The following KIAA1217 variants were observed in gnomAD, a reference collection of about 807,000 sequenced individuals.
KIAA1217 encodes the protein sickle tail protein homolog.
A neutral mutation model predicts 163.9 loss-of-function variants in KIAA1217; 88 were observed. The ratio of observed to expected loss-of-function variants is 0.54; its 90% CI spans 0.45 to 0.64. The LOEUF is 0.64. Among genes scored for constraint, KIAA1217 ranks in the 30% least tolerant of loss-of-function variants. The pLI, the probability that KIAA1217 is intolerant of heterozygous loss-of-function variation, is 0.00. For synonymous variants in KIAA1217, 903 were observed against 923.1 expected (o/e 0.98, Z 0.39); for missense variants, 2,372 against 2,475.0 (o/e 0.96, Z 0.88).
intron 1 of KIAA1217, among the ~76,000 whole-genome samples, chr10:23,752,216 C>T (rs1015560267): frequency 5.3e-5 from 8 of 152,148 alleles, no homozygotes; most frequent in South Asian, 2.1e-4. Context: ...TGGAATTTCG[C>T]TAATTAGCGA....
chr10:24,346,240 C>T (rs188177888), intron 2 of KIAA1217, among the ~76,000 whole-genome samples: 183 of 152,152 alleles, frequency 1.2e-3, no homozygotes, highest in African/African-American at 4.3e-3. Context: ...GAGGTGTGGG[C>T]GGATCACCAG....
At chr10:24,037,676 A>C (rs1848454714) in intron 2 of KIAA1217, among the ~76,000 whole-genome samples, 2 of 152,194 alleles carry the variant, frequency 1.3e-5, no homozygotes. Context: ...TCTTGGAATA[A>C]GCTTTATAGG....
rs527357102 is a variant in KIAA1217, at chr10:24,423,633, T to C, written c.554-9362T>C. Reference sequence around the variant, plus strand: ...CACCACCACACCCAGCTAATTTTTGTATTTTTAGTAGAGTCGAGGTTTCAC... The same window carrying C: ...CACCACCACACCCAGCTAATTTTTGCATTTTTAGTAGAGTCGAGGTTTCAC... On this transcript the variant is annotated intron_variant, in intron 3 of 20. Transcript: ENST00000376454. 4.3e-4 allele frequency among the ~76,000 whole-genome samples: 66 copies of C among 152,288 alleles called. No homozygotes were observed. In the South Asian group the frequency reaches 0.013, roughly 29 times the overall value.
intron 1 of KIAA1217, among the ~76,000 whole-genome samples, chr10:24,212,267 G>T (rs1455136852): frequency 6.6e-6 from 1 of 152,206 alleles, no homozygotes; most frequent in Non-Finnish European, 1.5e-5. Context: ...GTTGCCATTT[G>T]CCTAAGTTGG....
At chr10:24,009,689 G>T (rs1321982934) in intron 2 of KIAA1217, among the ~76,000 whole-genome samples, 1 of 152,086 alleles carries the variant, frequency 6.6e-6, no homozygotes, top group Non-Finnish European at 1.5e-5. Context: ...TTAGCTCAAG[G>T]TCACACAGTC....
intron 1 of KIAA1217, among the ~76,000 whole-genome samples, chr10:23,942,876 G>A (rs1843839921): frequency 6.6e-6 from 1 of 151,764 alleles, no homozygotes; most frequent in African/African-American, 2.4e-5. Context: ...GCAAGGCCAA[G>A]GTGAGAGCAT....
rs144933866 is a variant in KIAA1217 at position 24,539,390 on chromosome 10, G to A, written c.3534+2497G>A. Among the ~76,000 whole-genome samples the A allele has an allele frequency of 6.4e-3, 975 of 151,920 alleles. 6 individuals carry two copies. The highest frequency in any genetic ancestry group is 0.022 in the African/African-American group (926 of 41,430). On this transcript the variant is annotated intron_variant, in intron 17 of 20. Coordinates refer to ENST00000376454, the MANE Select transcript of KIAA1217 (RefSeq NM_019590.5). The stretch of plus-strand genomic sequence containing the variant: ...ACTACAGGCGTGCACCACCACACCC[G>A]GCTAATTTTTTTGTATTTTTATTAG...
intron 2 of KIAA1217, among the ~76,000 whole-genome samples, chr10:24,013,198 G>A (rs1044543402): frequency 6.6e-6 from 1 of 151,890 alleles, no homozygotes; most frequent in Non-Finnish European, 1.5e-5. Context: ...CTGAAGTACC[G>A]TCCAGTGTAT....
intron 2 of KIAA1217, among the ~76,000 whole-genome samples, chr10:24,026,713 T>C (rs1490009298): frequency 1.3e-5 from 2 of 150,920 alleles, no homozygotes; most frequent in Non-Finnish European, 3.0e-5. Context: ...GATTTTTTTT[T>C]CCATTGCTTT....
At chr10:24,074,385 A>T (rs141001015) in intron 2 of KIAA1217, among the ~76,000 whole-genome samples, 6 of 152,068 alleles carry the variant, frequency 3.9e-5, no homozygotes, top group African/African-American at 1.4e-4. Flanking sequence ...CAACAACAAA[A>T]AAAAACACCT....
intron 3 of KIAA1217, among the ~76,000 whole-genome samples, chr10:24,396,151 A>T (rs2055710139): frequency 6.6e-6 from 1 of 152,024 alleles, no homozygotes; most frequent in Non-Finnish European, 1.5e-5. Context: ...AGCCTGGCCA[A>T]CATGGTGAAA....
chr10:23,984,421 T>C (rs1313044352), intron 1 of KIAA1217, among the ~76,000 whole-genome samples: 6 of 152,244 alleles, frequency 3.9e-5, no homozygotes, highest in African/African-American at 1.4e-4. Context: ...ATATACCCAG[T>C]AATGGGATTG....
At chr10:24,458,060 C>T (rs2061987934) in intron 5 of KIAA1217, among the ~76,000 whole-genome samples, 1 of 152,170 alleles carries the variant, frequency 6.6e-6, no homozygotes, top group Non-Finnish European at 1.5e-5. Flanking sequence ...AGGGATTGGT[C>T]AATATTTGGC....
At chr10:23,851,417 G>T (rs1839313763) in intron 1 of KIAA1217, among the ~76,000 whole-genome samples, 1 of 152,124 alleles carries the variant, frequency 6.6e-6, no homozygotes, top group African/African-American at 2.4e-5. Flanking sequence ...TATCATTGTT[G>T]GACATTTGAG....
chr10:24,162,301 T>C (rs951023313), intron 2 of KIAA1217, among the ~76,000 whole-genome samples: 5 of 152,240 alleles, frequency 3.3e-5, no homozygotes, highest in Non-Finnish European at 5.9e-5. Context: ...AGCCATGCTT[T>C]GTATTCACTA....
Position 24,546,050 on chromosome 10 carries a change from T to A in KIAA1217, c.5558T>A (p.Leu1853His). 6.2e-7 allele frequency: 1 copy of A among 1,614,210 alleles called. No homozygotes were observed. The highest frequency in any genetic ancestry group is 8.5e-7 in the Non-Finnish European group (1 of 1,180,030). ...QTGPPAHSAS[L>H]IPSVSNGSLK... ...GGACCACCTGCTCACTCTGCCTCCC[T>A]CATCCCTTCTGTCTCTAATGGCTCT... Residue 1853 changes from leucine (L) to histidine (H), a missense_variant, in exon 21 of 21, where the codon CTC becomes CAC. By Grantham distance (99) the Leu-to-His change is moderately conservative. Around this residue, in one of 3 missense-constraint regions of KIAA1217, gnomAD observed 690 missense variants for 677.5 expected, o/e 1.02. Coordinates refer to ENST00000376454, the MANE Select transcript of KIAA1217 (RefSeq NM_019590.5).
chr10:24,218,027 C>T (rs2069065683), intron 1 of KIAA1217, among the ~76,000 whole-genome samples: 1 of 152,096 alleles, frequency 6.6e-6, no homozygotes, highest in African/African-American at 2.4e-5. Context: ...CCAGGGAATT[C>T]AGTGGACAAG....
intron 1 of KIAA1217, among the ~76,000 whole-genome samples, chr10:23,697,792 G>A (rs1836144530): frequency 1.3e-5 from 2 of 151,732 alleles, no homozygotes; most frequent in Admixed American, 6.6e-5. Flanking sequence ...TGGGAAGATC[G>A]CTTGAGCCCA....
rs1002847643 is a variant in KIAA1217, at chr10:23,863,613, G to C, written c.-320-143612G>C. 5.3e-5 allele frequency among the ~76,000 whole-genome samples: 8 copies of C among 152,130 alleles called. No homozygotes were observed. In the East Asian group the frequency reaches 1.4e-3, roughly 26 times the overall value. On this transcript the variant is annotated intron_variant, in intron 1 of 18. Transcript: ENST00000376462. ...CTGACACCTTGATTTGTACTTGCCA[G>C]CCTCCAGAACTGAGATAAATAAATT... is the stretch of plus-strand genomic sequence containing the variant.
Sources: allele counts gnomAD v4.1 joint callset (sites outside exome capture counted in the v4.1 genomes callset), GRCh38; gene constraint gnomAD v4.1.1; regional missense constraint gnomAD v4.1.1; transcripts MANE v1.5; gene names NCBI Gene and HGNC (gene_info 2026-07-23, HGNC 2026-07-21).